The following LRP5 variants were observed in gnomAD, a reference collection of about 807,000 sequenced individuals.
The protein encoded by LRP5 is LDL receptor related protein 5.
LRP5 carries 62 observed loss-of-function variants against 154.1 expected under a neutral mutation model. The observed-to-expected ratio is 0.40, with a 90% CI of 0.33 to 0.50. The LOEUF (loss-of-function observed/expected upper bound fraction) is 0.50, where lower values mean the gene tolerates loss of function less well. Among genes scored for constraint, LRP5 ranks in the 20% least tolerant of loss-of-function variants. The pLI, the probability that LRP5 is intolerant of heterozygous loss-of-function variation, is 0.55. For missense variants in LRP5, 1,915 were observed against 2,336.7 expected, an observed-to-expected ratio of 0.82 and a Z score of 3.72; for synonymous variants, 966 against 1,011.5, an observed-to-expected ratio of 0.96 and a Z score of 0.85.
At chr11:68,397,871 C>T (rs1228018537) in intron 7 of LRP5, among the ~76,000 whole-genome samples, 2 of 151,966 alleles carry the variant, frequency 1.3e-5, no homozygotes, top group Non-Finnish European at 2.9e-5. Context: ...ACATCACTTA[C>T]AGCGGGAGTG....
At chr11:68,322,314 C>G (rs1306712339) in intron 1 of LRP5, among the ~76,000 whole-genome samples, 1 of 152,236 alleles carries the variant, frequency 6.6e-6, no homozygotes, top group Non-Finnish European at 1.5e-5. Flanking sequence ...CAGTGAAAGC[C>G]TAGATTCAGA....
intron 17 of LRP5, among the ~76,000 whole-genome samples, chr11:68,431,975 T>C (rs1176576365): frequency 6.6e-6 from 1 of 152,212 alleles, no homozygotes; most frequent in Non-Finnish European, 1.5e-5. Flanking sequence ...TCTTGTGGCC[T>C]CTTCTCCAGG....
chr11:68,298,487 C>T, the LRP5 span, among the ~76,000 whole-genome samples: 7 of 152,288 alleles, frequency 4.6e-5, no homozygotes, highest in East Asian at 1.2e-3. Context: ...GGGAGGACCC[C>T]TTTTGCCAGG....
rs1591330484 is a variant in LRP5, at chr11:68,440,006, C to T, written c.4488+90C>T. 25 of 1,266,050 alleles carry T rather than the reference C, an allele frequency of 2.0e-5. No individual in the cohort carries two copies. In the East Asian group the frequency reaches 6.4e-4, roughly 32 times the overall value. 78.4% of individuals were successfully genotyped at this position (1,266,050 alleles called of 1,614,324 possible). A position where few individuals can be genotyped will look rare whatever the true frequency, so the allele number is the denominator to read the frequency against. ...CTGGCCACCGGAGGCTTCCCGGGTT[C>T]CTGGGGGCTGTGCCACCGCCTCTGA... On this transcript the variant is annotated intron_variant, in intron 21 of 22. Coordinates refer to ENST00000294304, the MANE Select transcript of LRP5 (RefSeq NM_002335.4).
Position 68,406,592 on chromosome 11 carries a change from C to T in LRP5, c.1870C>T (p.Arg624Trp), listed in dbSNP as rs989864153. Residue 624 changes from arginine to tryptophan, a missense_variant, in exon 9 of 23, where the codon CGG becomes TGG. Transcript: ENST00000294304. Reference sequence around the variant, plus strand: ...GTGCTTCTTCACACCCCACGCAACCCGGTGTGGCTGCCCCATCGGCCTGGA... The same window carrying T: ...GTGCTTCTTCACACCCCACGCAACCTGGTGTGGCTGCCCCATCGGCCTGGA... ...HLCFFTPHAT[R>W]CGCPIGLELL... 6.2e-6 allele frequency: 10 copies of T among 1,614,056 alleles called. No homozygotes were observed. Among genetic ancestry groups the T allele is most frequent in the South Asian group, 1.1e-5 (1 of 91,090 alleles).
At chr11:68,368,834 T>C (rs1340276558) in intron 5 of LRP5, among the ~76,000 whole-genome samples, 1 of 151,548 alleles carries the variant, frequency 6.6e-6, no homozygotes, top group Non-Finnish European at 1.5e-5. Context: ...ACATGAGTTT[T>C]AGTGAAGGAT....
chr11:68,330,908 C>T (rs948347772), intron 1 of LRP5, among the ~76,000 whole-genome samples: 11 of 152,226 alleles, frequency 7.2e-5, no homozygotes, highest in African/African-American at 1.7e-4. Context: ...GGATTCAGGG[C>T]GCCTCTGACC....
chr11:68,388,365 G>A (rs1402512144), intron 6 of LRP5, among the ~76,000 whole-genome samples: 2 of 152,086 alleles, frequency 1.3e-5, no homozygotes, highest in Non-Finnish European at 2.9e-5. Flanking sequence ...TGACTCCAAG[G>A]CCCCTCCTAG....
intron 7 of LRP5, 109 bp downstream of exon 7, chr11:68,390,161 G>T: frequency 7.4e-7 from 1 of 1,348,058 alleles, no homozygotes. Flanking sequence ...TCTGCTATTT[G>T]GCCACATGGA....
intron 2 of LRP5, among the ~76,000 whole-genome samples, chr11:68,350,162 G>A (rs1473842652): frequency 6.6e-6 from 1 of 152,188 alleles, no homozygotes; most frequent in Non-Finnish European, 1.5e-5. Flanking sequence ...TCAGCCTCCT[G>A]AGTAGCTGTG....
intron 6 of LRP5, among the ~76,000 whole-genome samples, chr11:68,389,017 C>A (rs1352264041): frequency 2.0e-5 from 3 of 152,070 alleles, no homozygotes; most frequent in African/African-American, 7.2e-5. Flanking sequence ...ACACTGACAT[C>A]TACTGACACT....
rs1023277698 is a variant in LRP5, at chr11:68,441,403, T to C, written c.4488+1487T>C. ...TGGGGTATTGTCTTCTTATGGCACC[T>C]GACTGTGGTGGGCCCTGGGAAGGAA... On this transcript the variant is annotated intron_variant, in intron 21 of 22. Transcript: ENST00000294304. 3.5e-4 allele frequency among the ~76,000 whole-genome samples: 53 copies of C among 152,346 alleles called. 1 individual carries two copies. The highest frequency in any genetic ancestry group is 2.8e-3 in the Admixed American group (43 of 15,302).
rs200397490 is a variant in LRP5, at chr11:68,433,599, C to T, written c.3764-3C>T. On this transcript the variant is annotated splice_region_variant and splice_polypyrimidine_tract_variant and intron_variant, in intron 17 of 22. Transcript: ENST00000294304. ...GTGATGTTCTCCTCTGTCCCTCCCC[C>T]AGAGCCGCCCACCTGCTCCCCGGAC... The T allele has an allele frequency of 5.6e-6, 9 of 1,612,432 alleles. No homozygotes were observed. The highest frequency in any genetic ancestry group is 2.2e-5 in the South Asian group (2 of 91,080).
chr11:68,341,854 T>G (rs1178258453), intron 1 of LRP5, among the ~76,000 whole-genome samples: 2 of 152,092 alleles, frequency 1.3e-5, no homozygotes, highest in African/African-American at 4.8e-5. Context: ...ATTACTAAGG[T>G]GTCCTTATTG....
At chr11:68,350,209 G>A (rs1591208082) in intron 2 of LRP5, among the ~76,000 whole-genome samples, 2 of 152,216 alleles carry the variant, frequency 1.3e-5, no homozygotes, top group African/African-American at 4.8e-5. Flanking sequence ...GCTAGGTTTT[G>A]TATTTTTAGT....
chr11:68,376,002 G>A (rs906376589), intron 5 of LRP5, among the ~76,000 whole-genome samples: 7 of 152,178 alleles, frequency 4.6e-5, no homozygotes, highest in Non-Finnish European at 1.0e-4. Context: ...CAGTGGCATT[G>A]TCACATGGTT....
In LRP5 at chr11:68,429,615, C is replaced by T; in HGVS notation, c.3678C>T (p.His1226=). The T allele has an allele frequency of 6.2e-7, 1 of 1,614,164 alleles. No homozygotes were observed. The highest frequency in any genetic ancestry group is 8.5e-7 in the Non-Finnish European group (1 of 1,180,040). ...CCCGTGACAATGGTGGCTGCTCCCACATCTGTATTGCCAAGGGTGATGGGA... is the reference window on the plus strand; with the variant it reads ...CCCGTGACAATGGTGGCTGCTCCCATATCTGTATTGCCAAGGGTGATGGGA... ...PCARDNGGCS[H]ICIAKGDGTP... Residue 1226 remains histidine (H), a synonymous_variant, in exon 17 of 23, where the codon CAC becomes CAT. Coordinates refer to ENST00000294304, the MANE Select transcript of LRP5 (RefSeq NM_002335.4).
intron 5 of LRP5, among the ~76,000 whole-genome samples, chr11:68,383,951 C>T (rs1418585364): frequency 6.6e-6 from 1 of 152,204 alleles, no homozygotes; most frequent in African/African-American, 2.4e-5. Flanking sequence ...CCTACCAATA[C>T]ACACCAAATC....
chr11:68,393,919 C>A (rs1355630270), intron 7 of LRP5, among the ~76,000 whole-genome samples: 1 of 152,186 alleles, frequency 6.6e-6, no homozygotes, highest in Non-Finnish European at 1.5e-5. Flanking sequence ...GCTTGCCACA[C>A]CTCAGCACTT....
Sources: allele counts gnomAD v4.1 joint callset (sites outside exome capture counted in the v4.1 genomes callset), GRCh38; gene constraint gnomAD v4.1.1; transcripts MANE v1.5; gene names NCBI Gene and HGNC (gene_info 2026-07-23, HGNC 2026-07-21).